The following SSRP1 variants were observed in gnomAD, a reference collection of about 807,000 sequenced individuals.
SSRP1 encodes the protein FACT complex subunit SSRP1.
Under a neutral mutation model 84.4 loss-of-function variants are expected in SSRP1, and 21 were observed. The observed-to-expected ratio is 0.25, with a 90% CI of 0.18 to 0.36. SSRP1 has a LOEUF of 0.36. Ranked by LOEUF, SSRP1 falls within the 10% of genes least tolerant of loss-of-function variation. The pLI, the probability that SSRP1 is intolerant of heterozygous loss-of-function variation, is 1.00. For synonymous variants in SSRP1, 319 were observed against 318.3 expected, an observed-to-expected ratio of 1.00 and a Z score of -0.02; for missense variants, 519 against 900.8, an observed-to-expected ratio of 0.58 and a Z score of 5.43.
At position 57,326,384 on chromosome 11, in the gene SSRP1, G is replaced by A. The variant is rs201945568; in HGVS notation, c.*23C>T. On this transcript the variant is annotated 3_prime_UTR_variant, in exon 17 of 17. Coordinates refer to ENST00000278412, the MANE Select transcript of SSRP1 (RefSeq NM_003146.3). ...AGTCGGGGGGTGTGAGAAGGCAAGC[G>A]CAAAGAGAACCTTCCTCCGTTTCTA... The A allele has an allele frequency of 1.0e-4, 164 of 1,612,626 alleles. No individual in the cohort carries two copies. In the Middle Eastern group the frequency reaches 1.2e-3, roughly 11 times the overall value.
chr11:57,327,504 C>A lies in SSRP1; in HGVS notation c.1793G>T (p.Arg598Leu). ...MSKEKKEEWD[R>L]KAEDARRDYE... ...GTCCCTCCTGGCATCCTCAGCCTTG[C>A]GATCCCACTCCTGTCTCACACACAG... is the stretch of plus-strand genomic sequence containing the variant. The change falls in exon 15 of 17, where the codon CGC becomes CTC. Residue 598 changes from arginine (R) to leucine (L), a missense_variant. Around this residue, in one of 7 missense-constraint regions of SSRP1, gnomAD observed 197 missense variants for 265.0 expected, o/e 0.74. Coordinates refer to ENST00000278412, the MANE Select transcript of SSRP1 (RefSeq NM_003146.3). 1 of 1,613,956 alleles carries A rather than the reference C, an allele frequency of 6.2e-7. No homozygotes were observed. The highest frequency in any genetic ancestry group is 2.2e-5 in the East Asian group (1 of 44,896).
rs145791089 is a variant in SSRP1 at position 57,332,997 on chromosome 11, C to T, written c.499G>A (p.Val167Ile). 3.7e-5 allele frequency: 60 copies of T among 1,613,598 alleles called. No individual in the cohort carries two copies. In the African/African-American group the frequency reaches 5.7e-4, roughly 15 times the overall value. ...ACACCATCCTCCTGGGTGGGTGGGA[C>T]GTAGAAGCGCACCTCCATGAGAGAC... ...EVSLMEVRFY[V>I]PPTQEDGVDP... The change falls in exon 5 of 17, where the codon GTC becomes ATC. Residue 167 changes from valine (V) to isoleucine (I), a missense_variant. Physicochemically the swap from Val to Ile is conservative, Grantham distance 29. Transcript: ENST00000278412. This position sits in a 1 kb window ranked among gnomAD's most constrained non-coding sequence, Gnocchi z 5.5.
chr11:57,328,689 G>T, intron 12 of SSRP1: 2 of 405,178 alleles, frequency 4.9e-6, no homozygotes, highest in African/African-American at 2.1e-5. Flanking sequence ...GAGCTTCAGC[G>T]GATCTCCCTG....
Position 57,330,166 on chromosome 11 carries a change from TTCTGCCCCAATGGAAA to T in SSRP1, c.1436-44_1436-29del. 6.2e-7 allele frequency: 1 copy of T among 1,614,154 alleles called. No homozygotes were observed. Among genetic ancestry groups the T allele is most frequent in the Non-Finnish European group, 8.5e-7 (1 of 1,180,038 alleles). On this transcript the variant is annotated intron_variant, in intron 11 of 16. Transcript: ENST00000278412. The surrounding 1 kb of genome is among the most constrained non-coding windows in gnomAD (Gnocchi z 4.0). Reference sequence around the variant, plus strand: ...GAAAAAGGGCACAGGATGCATCAGCTTCTGCCCCAATGGAAATCCCCCCACCTCACCCAGGCACCCA... The same window carrying T: ...GAAAAAGGGCACAGGATGCATCAGCTTCCCCCCACCTCACCCAGGCACCCA...
intron 13 of SSRP1, 190 bp from the exon 14 acceptor site, chr11:57,328,072 A>G (rs778335499): frequency 2.1e-6 from 2 of 951,088 alleles, no homozygotes; most frequent in Non-Finnish European, 3.1e-6. Context: ...TTACCAGGAC[A>G]GAAGCCCATC....
chr11:57,330,187 C>T lies in SSRP1; in HGVS notation c.1436-49G>A, dbSNP rs1856061233. On this transcript the variant is annotated intron_variant, in intron 11 of 16. Transcript: ENST00000278412. The surrounding 1 kb of genome is among the most constrained non-coding windows in gnomAD (Gnocchi z 4.0). ...CAGCTTCTGCCCCAATGGAAATCCC[C>T]CCACCTCACCCAGGCACCCAGCTCT... The T allele has an allele frequency of 6.2e-7, 1 of 1,614,084 alleles. No individual in the cohort carries two copies. Among genetic ancestry groups the T allele is most frequent in the African/African-American group, 1.3e-5 (1 of 74,930 alleles).
chr11:57,333,547 GT>G lies in SSRP1; in HGVS notation c.241-8del, dbSNP rs1565055154. ...CAGAGAGTTTCTCAAACTCCTGTGG[GT>G]GGAGGGAAGAAAGCACAATCCCAGT... On this transcript the variant is annotated splice_region_variant and splice_polypyrimidine_tract_variant and intron_variant, in intron 3 of 16. Coordinates refer to ENST00000278412, the MANE Select transcript of SSRP1 (RefSeq NM_003146.3). 6 of 1,605,444 alleles carry G rather than the reference GT, an allele frequency of 3.7e-6. No individual in the cohort carries two copies. The Admixed American group carries it at 6.7e-5, about 18-fold the overall frequency.
At chr11:57,327,280 G>T in intron 15 of SSRP1, 146 bp downstream of exon 15, 1 of 835,188 alleles carries the variant, frequency 1.2e-6, no homozygotes, top group Non-Finnish European at 1.9e-6. Flanking sequence ...CTTGGGCAAT[G>T]GCCTACCCAG....
At position 57,335,517 on chromosome 11, in the gene SSRP1, C is replaced by A; in HGVS notation, c.-120+213G>T. 1 of 294,238 alleles carries A rather than the reference C, an allele frequency of 3.4e-6. No homozygotes were observed. Among genetic ancestry groups the A allele is most frequent in the Non-Finnish European group, 6.8e-6 (1 of 147,506 alleles). The allele number at this position is 294,238 out of a possible 1,614,324, so 18.2% of individuals were successfully genotyped here. On this transcript the variant is annotated intron_variant, in intron 1 of 16. Coordinates refer to ENST00000278412, the MANE Select transcript of SSRP1 (RefSeq NM_003146.3). This position sits in a 1 kb window ranked among gnomAD's most constrained non-coding sequence, Gnocchi z 4.6. ...GGAACCCCAGGGTCTGCCAGGAGCC[C>A]GCACATCGCACGCGACCCAATCCAG...
rs1242666430 is a variant in SSRP1, at chr11:57,331,838, C to T, written c.1053G>A (p.Leu351=). 2.5e-6 allele frequency: 4 copies of T among 1,614,122 alleles called. No homozygotes were observed. The highest frequency in any genetic ancestry group is 1.7e-6 in the Non-Finnish European group (2 of 1,180,000). The change falls in exon 9 of 17, where the codon CTG becomes CTA. Residue 351 remains leucine (L), a synonymous_variant. Coordinates refer to ENST00000278412, the MANE Select transcript of SSRP1 (RefSeq NM_003146.3). ...TGAAGCCCCGCTCCAGCGGGTAGAG[C>T]AGTCCTGAGCTTGCCTTGTAGGAAC... is the stretch of plus-strand genomic sequence containing the variant. ...ITCSYKASSG[L]LYPLERGFIY... is the part of the protein sequence containing the mutation.
At position 57,326,564 on chromosome 11, in the gene SSRP1, G is replaced by A. The variant is rs988542857; in HGVS notation, c.2059-86C>T. 81 of 1,594,458 alleles carry A rather than the reference G, an allele frequency of 5.1e-5. 1 individual carries two copies. Among genetic ancestry groups the A allele is most frequent in the East Asian group, 4.7e-4 (21 of 44,512 alleles). On this transcript the variant is annotated intron_variant, in intron 16 of 16. Transcript: ENST00000278412. ...AGTGAAGGGCCCGCAATTCCCTACC[G>A]CCCCCAACTACAGCACCCCCCTTCA...
At chr11:57,329,477 T>C (rs566679674) in intron 12 of SSRP1, 1 of 156,904 alleles carries the variant, frequency 6.4e-6, no homozygotes, top group South Asian at 1.9e-4. Context: ...TTTAAACCAG[T>C]AGGATTAAGC....
At chr11:57,327,217 G>C (rs1018782415) in intron 15 of SSRP1, 5 of 671,040 alleles carry the variant, frequency 7.5e-6, no homozygotes, top group African/African-American at 5.4e-5. Context: ...AATGGTCCAG[G>C]AAAAGAGGCC....
chr11:57,327,287 C>G, intron 15 of SSRP1, 139 bp downstream of exon 15: 1 of 888,378 alleles, frequency 1.1e-6, no homozygotes, highest in Non-Finnish European at 1.8e-6. Flanking sequence ...AATGGCCTAC[C>G]CAGGTTTGAG....
At position 57,330,194 on chromosome 11, in the gene SSRP1, C is replaced by T; in HGVS notation, c.1436-56G>A. The T allele has an allele frequency of 1.2e-6, 2 of 1,614,192 alleles. No individual in the cohort carries two copies. The highest frequency in any genetic ancestry group is 1.7e-6 in the Non-Finnish European group (2 of 1,180,016). On this transcript the variant is annotated intron_variant, in intron 11 of 16. Transcript: ENST00000278412. This position sits in a 1 kb window ranked among gnomAD's most constrained non-coding sequence, Gnocchi z 4.0. ...TGCCCCAATGGAAATCCCCCCACCT[C>T]ACCCAGGCACCCAGCTCTGGCCCAA...
rs1856062799 is a variant in SSRP1 at position 57,330,254 on chromosome 11, C to G, written c.1435+37G>C. 6.2e-7 allele frequency: 1 copy of G among 1,613,784 alleles called. No homozygotes were observed. The highest frequency in any genetic ancestry group is 8.5e-7 in the Non-Finnish European group (1 of 1,180,022). ...CAGCCCGGGCCACAGCGAGGAGCGT[C>G]TGACCATCCTCGTGCTCAGCACGGA... On this transcript the variant is annotated intron_variant, in intron 11 of 16. Coordinates refer to ENST00000278412, the MANE Select transcript of SSRP1 (RefSeq NM_003146.3). The surrounding 1 kb of genome is among the most constrained non-coding windows in gnomAD (Gnocchi z 4.0).
At position 57,335,233 on chromosome 11, in the gene SSRP1, T is replaced by G; in HGVS notation, c.-112A>C. 1 of 1,097,152 alleles carries G rather than the reference T, an allele frequency of 9.1e-7. No homozygotes were observed. Among genetic ancestry groups the G allele is most frequent in the South Asian group, 1.2e-5 (1 of 80,196 alleles). The allele number at this position is 1,097,152 out of a possible 1,614,324, so 68.0% of individuals were successfully genotyped here. Reference sequence around the variant, plus strand: ...AGTGGGTGTGCGGATGCTCAGCAGGTTGGGAATCTGAATTCAAGAGGAAGA... The same window carrying G: ...AGTGGGTGTGCGGATGCTCAGCAGGGTGGGAATCTGAATTCAAGAGGAAGA... On this transcript the variant is annotated 5_prime_UTR_variant, in exon 2 of 17. Transcript: ENST00000278412. The surrounding 1 kb of genome is among the most constrained non-coding windows in gnomAD (Gnocchi z 4.6).
At chr11:57,328,264 C>G (rs754251178) in intron 13 of SSRP1, 33 bp downstream of exon 13, 2 of 1,611,392 alleles carry the variant, frequency 1.2e-6, no homozygotes, top group Admixed American at 3.3e-5. Flanking sequence ...ACCCACTGCA[C>G]CACACACAGG....
chr11:57,333,432 C>T lies in SSRP1; in HGVS notation c.346+3G>A, dbSNP rs757727823. ...CCAAACCTCAGTCTTCCCCAGGACT[C>T]ACCACCAAATTTCACTGTCCCCCAG... On this transcript the variant is annotated splice_donor_region_variant and intron_variant, in intron 4 of 16. Transcript: ENST00000278412. The T allele has an allele frequency of 6.2e-7, 1 of 1,613,256 alleles. No homozygotes were observed. The highest frequency in any genetic ancestry group is 1.7e-5 in the Admixed American group (1 of 60,028).
Sources: gnomAD v4.1 joint callset for allele counts on GRCh38, gnomAD v4.1.1 for gene constraint, gnomAD v4.1.1 regional missense constraint, Gnocchi (gnomAD v3.1) non-coding constraint, MANE v1.5 for transcripts, NCBI Gene and HGNC (gene_info 2026-07-23, HGNC 2026-07-21) for gene names.